The following RERE variants were observed in gnomAD, a reference collection of about 807,000 sequenced individuals.
The protein encoded by RERE is arginine-glutamic acid dipeptide repeats protein.
A neutral mutation model predicts 146.1 loss-of-function variants in RERE; 40 were observed. The ratio of observed to expected loss-of-function variants is 0.27; its 90% confidence interval spans 0.21 to 0.36. RERE has a LOEUF of 0.36. Ranked by LOEUF, RERE falls within the 10% of genes least tolerant of loss-of-function variation. The pLI is 1.00. For synonymous variants in RERE, 1,003 were observed against 866.0 expected (o/e 1.16, Z -2.78); for missense variants, 1,933 against 2,138.7 (o/e 0.90, Z 1.90).
intron 11 of RERE, among the ~76,000 whole-genome samples, chr1:8,449,671 T>A (rs572049180): frequency 6.6e-6 from 1 of 152,362 alleles, no homozygotes; most frequent in South Asian, 2.1e-4. Context: ...TCCTTTCAGC[T>A]AAATTTAATC....
intron 4 of RERE, among the ~76,000 whole-genome samples, chr1:8,573,239 A>T (rs572701940): frequency 2.6e-5 from 4 of 152,338 alleles, no homozygotes; most frequent in African/African-American, 7.2e-5. Context: ...ATCGAACCTA[A>T]AGAAGCTGCC....
At chr1:8,422,833 T>C (rs2124472541) in intron 11 of RERE, 26 bp from the exon 12 acceptor site, 1 of 1,559,632 alleles carries the variant, frequency 6.4e-7, no homozygotes, top group East Asian at 2.2e-5. Context: ...ACAAATGGGA[T>C]GTAAAAACCA....
intron 4 of RERE, among the ~76,000 whole-genome samples, chr1:8,603,271 A>C (rs1256330405): frequency 6.6e-6 from 1 of 152,278 alleles, no homozygotes; most frequent in Non-Finnish European, 1.5e-5. Context: ...AGATGGCCTC[A>C]ATGTGCCAAG....
At chr1:8,618,688 A>C (rs1646884508) in intron 3 of RERE, among the ~76,000 whole-genome samples, 1 of 152,228 alleles carries the variant, frequency 6.6e-6, no homozygotes, top group African/African-American at 2.4e-5. Flanking sequence ...TGTACACTTG[A>C]ATGTGTGCAC....
intron 12 of RERE, among the ~76,000 whole-genome samples, chr1:8,366,591 C>G (rs1481886016): frequency 1.3e-5 from 2 of 152,150 alleles, no homozygotes; most frequent in African/African-American, 4.8e-5. Context: ...CATCTGAAGG[C>G]CCACATCTGA....
chr1:8,809,157 A>AAAAAAAAAAAAAAAAAAAAAT (rs985140466), intron 1 of RERE, among the ~76,000 whole-genome samples: 28 of 146,200 alleles, frequency 1.9e-4, no homozygotes, highest in African/African-American at 7.7e-4. Flanking sequence ...AAAAAAAAAA[A>AAAAAAAAAAAAAAAAAAAAAT]AAAGTACTGA....
At chr1:8,436,333 AAAAT>A (rs1321094366) in intron 11 of RERE, among the ~76,000 whole-genome samples, 1 of 152,272 alleles carries the variant, frequency 6.6e-6, no homozygotes, top group South Asian at 2.1e-4. Flanking sequence ...AAATAAATAA[AAAAT>A]AAATAAAATA....
At chr1:8,715,911 C>T (rs1332668265) in intron 1 of RERE, among the ~76,000 whole-genome samples, 4 of 135,092 alleles carry the variant, frequency 3.0e-5, no homozygotes, top group African/African-American at 1.1e-4. Context: ...TGGGGCGGGA[C>T]GGGCGGGGAA....
intron 4 of RERE, among the ~76,000 whole-genome samples, chr1:8,595,522 T>C (rs1242605199): frequency 1.3e-5 from 2 of 151,702 alleles, no homozygotes; most frequent in Non-Finnish European, 2.9e-5. Context: ...ATGTATTTTA[T>C]GTATTTATTT....
At chr1:8,488,542 G>A (rs1006147458) in intron 10 of RERE, among the ~76,000 whole-genome samples, 3 of 152,098 alleles carry the variant, frequency 2.0e-5, no homozygotes, top group African/African-American at 7.2e-5. Context: ...CACTGCGCCT[G>A]CAAGACTTTT....
At chr1:8,723,583 T>C (rs1639903382) in intron 1 of RERE, among the ~76,000 whole-genome samples, 1 of 152,232 alleles carries the variant, frequency 6.6e-6, no homozygotes, top group Non-Finnish European at 1.5e-5. Context: ...CTGTGCTATG[T>C]ACACTGAAAT....
chr1:8,766,534 A>G (rs1346797990), intron 1 of RERE, among the ~76,000 whole-genome samples: 2 of 149,824 alleles, frequency 1.3e-5, no homozygotes, highest in Non-Finnish European at 3.0e-5. Context: ...GCAACACAGC[A>G]AGACTCCATT....
intron 1 of RERE, among the ~76,000 whole-genome samples, chr1:8,789,301 A>AAAAAAAAAAAAAAAAAAAAAAATATAT: frequency 1.6e-4 from 4 of 24,814 alleles, no homozygotes; most frequent in East Asian, 9.9e-4. Flanking sequence ...AAAAAAAAAA[A>AAAAAAAAAAAAAAAAAAAAAAATATAT]ATATATATAT....
In RERE at chr1:8,798,206, C is replaced by A. The variant is rs148839469; in HGVS notation, c.-145+18954G>T. ...GATCAGGAGTTAGAGACAAGCCTGG[C>A]CAACAAGGCGAAACCCGGTCTCTAC... On this transcript the variant is annotated intron_variant, in intron 1 of 22. Transcript: ENST00000400908. Among the ~76,000 whole-genome samples the A allele has an allele frequency of 5.6e-3, 854 of 152,168 alleles. 9 individuals carry two copies. Among genetic ancestry groups the A allele is most frequent in the African/African-American group, 0.02 (819 of 41,530 alleles).
At chr1:8,679,610 A>G (rs541120599) in intron 1 of RERE, among the ~76,000 whole-genome samples, 1 of 152,068 alleles carries the variant, frequency 6.6e-6, no homozygotes, top group East Asian at 1.9e-4. Context: ...TCTTAAGTCT[A>G]CCCTCCCTCA....
At chr1:8,634,657 T>C (rs1191129004) in intron 2 of RERE, among the ~76,000 whole-genome samples, 2 of 152,234 alleles carry the variant, frequency 1.3e-5, no homozygotes, top group African/African-American at 2.4e-5. Context: ...TAAATCGTTG[T>C]TGTTTTCATT....
At chr1:8,419,362 C>T (rs1028317479) in intron 12 of RERE, among the ~76,000 whole-genome samples, 5 of 152,102 alleles carry the variant, frequency 3.3e-5, no homozygotes, top group African/African-American at 1.2e-4. Flanking sequence ...CAATAAACAC[C>T]AGAAACCAAA....
At chr1:8,634,708 C>T (rs1052445308) in intron 2 of RERE, among the ~76,000 whole-genome samples, 9 of 152,138 alleles carry the variant, frequency 5.9e-5, no homozygotes, top group African/African-American at 2.2e-4. Flanking sequence ...GCAGGTCTTA[C>T]TTCTTCTAAT....
At chr1:8,742,362 A>C (rs903370332) in intron 1 of RERE, among the ~76,000 whole-genome samples, 3 of 152,210 alleles carry the variant, frequency 2.0e-5, no homozygotes, top group African/African-American at 7.2e-5. Flanking sequence ...GCTCAGGGAT[A>C]TATGGAGCAA....
Sources: allele counts gnomAD v4.1 joint callset (sites outside exome capture counted in the v4.1 genomes callset), GRCh38; gene constraint gnomAD v4.1.1; transcripts MANE v1.5; gene names NCBI Gene and HGNC (gene_info 2026-07-23, HGNC 2026-07-21).